Variants in TNXB observed in about 807,000 individuals in gnomAD.
TNXB encodes tenascin-X.
In TNXB, 183 loss-of-function variants were observed where a neutral mutation model predicts 340.5. The ratio of observed to expected loss-of-function variants is 0.54; its 90% CI spans 0.48 to 0.61. TNXB has a LOEUF of 0.61. Ranked by LOEUF, TNXB falls within the 20% of genes least tolerant of loss-of-function variation. The probability of loss-of-function intolerance (pLI) is 0.00; values close to 1 mark genes in which losing one functional copy is unlikely to be tolerated. For synonymous variants in TNXB, 2,121 were observed against 2,314.5 expected (o/e 0.92, Z 2.40); for missense variants, 4,613 against 5,446.4 (o/e 0.85, Z 4.82).
chr6:32,068,766 T>A lies in TNXB; in HGVS notation c.5902+56A>T. ...GGGCAGGGTATCCGCGGGACTCTGC[T>A]GTCCTCTGGACTCTCCCAGCCATCT... On this transcript the variant is annotated intron_variant, in intron 16 of 43. Transcript: ENST00000644971. The surrounding 1 kb of genome is among the most constrained non-coding windows in gnomAD (Gnocchi z 5.3). 1 of 1,594,864 alleles carries A rather than the reference T, an allele frequency of 6.3e-7. No homozygotes were observed. Among genetic ancestry groups the A allele is most frequent in the Non-Finnish European group, 8.6e-7 (1 of 1,168,656 alleles).
In TNXB at chr6:32,088,886, G is replaced by T; in HGVS notation, c.2678C>A (p.Thr893Lys). Residue 893 changes from threonine (T) to lysine (K), a missense_variant, in exon 6 of 44, where the codon ACG becomes AAG. By Grantham distance (78) the Thr-to-Lys change is moderately conservative. Transcript: ENST00000644971. ...GCCTGGCATCAGGTCAGTCAGCAGC[G>T]TCCCGTCTGCTTCAGGGGGCACTTC... is the stretch of plus-strand genomic sequence containing the variant. ...RLEVPPEADG[T>K]LLTDLMPGVE... The T allele has an allele frequency of 6.3e-7, 1 of 1,589,304 alleles. No homozygotes were observed. Among genetic ancestry groups the T allele is most frequent in the Non-Finnish European group, 8.6e-7 (1 of 1,168,026 alleles).
rs369105246 is a variant in TNXB, at chr6:32,079,379, T to A, written c.4043-14A>T. 2 of 1,587,952 alleles carry A rather than the reference T, an allele frequency of 1.3e-6. No individual in the cohort carries two copies. On this transcript the variant is annotated splice_polypyrimidine_tract_variant and intron_variant, in intron 10 of 43. Coordinates refer to ENST00000644971, the MANE Select transcript of TNXB (RefSeq NM_001365276.2). The surrounding 1 kb of genome is among the most constrained non-coding windows in gnomAD (Gnocchi z 7.1). ...CCTCCTGAGGAGCTGAGAGAAGAGATAGAGGCATAAAGGGCTGCTGGCTTT... is the reference window on the plus strand; with the variant it reads ...CCTCCTGAGGAGCTGAGAGAAGAGAAAGAGGCATAAAGGGCTGCTGGCTTT...
At chr6:32,056,218 T>A (rs1170003484) in intron 23 of TNXB, 44 bp from the exon 24 acceptor site, 1 of 1,584,676 alleles carries the variant, frequency 6.3e-7, no homozygotes, top group Admixed American at 1.7e-5. Flanking sequence ...GCCTGGGGGA[T>A]GTGCTCAGGT....
chr6:32,081,268 T>C lies in TNXB; in HGVS notation c.4042+100A>G. On this transcript the variant is annotated intron_variant, in intron 10 of 43. Transcript: ENST00000644971. The surrounding 1 kb of genome is among the most constrained non-coding windows in gnomAD (Gnocchi z 5.1). ...GGGTGGAGGCTTTGGCAAAATGAGC[T>C]GAGAAGGCGAAGATGGAGGGAGGCT... 1 of 1,247,048 alleles carries C rather than the reference T, an allele frequency of 8.0e-7. No homozygotes were observed. Among genetic ancestry groups the C allele is most frequent in the Non-Finnish European group, 1.1e-6 (1 of 907,352 alleles). 77.2% of individuals were successfully genotyped at this position (1,247,048 alleles called of 1,614,324 possible).
At chr6:32,086,187 C>T in intron 6 of TNXB, 69 bp from the exon 7 acceptor site, 2 of 1,424,828 alleles carry the variant, frequency 1.4e-6, no homozygotes, top group Non-Finnish European at 1.8e-6. Flanking sequence ...CCCCAGTCCC[C>T]AGGTTCTGCC....
Position 32,050,013 on chromosome 6 carries a change from C to A in TNXB, c.9424G>T (p.Ala3142Ser). The A allele has an allele frequency of 6.2e-7, 1 of 1,613,806 alleles. No individual in the cohort carries two copies. Among genetic ancestry groups the A allele is most frequent in the Non-Finnish European group, 8.5e-7 (1 of 1,179,832 alleles). Reference protein sequence around the residue: ...HGGQRVGPVSAIGVTEEETPS... With the variant: ...HGGQRVGPVSSIGVTEEETPS... Reference sequence around the variant, plus strand: ...ATTCACTCACCCGTCACCCCAATGGCAGACACAGGGCCTACGCGCTGGCCA... The same window carrying A: ...ATTCACTCACCCGTCACCCCAATGGAAGACACAGGGCCTACGCGCTGGCCA... The change falls in exon 27 of 44, where the codon GCC becomes TCC. Residue 3142 changes from alanine (A) to serine (S), a missense_variant. Transcript: ENST00000644971.
chr6:32,104,640 T>C lies in TNXB; in HGVS notation c.-9+4541A>G, dbSNP rs1002993576. Among the ~76,000 whole-genome samples the C allele has an allele frequency of 3.3e-5, 5 of 152,232 alleles. 1 individual carries two copies. The highest frequency in any genetic ancestry group is 2.0e-4 in the Admixed American group (3 of 15,290). On this transcript the variant is annotated intron_variant, in intron 1 of 43. Transcript: ENST00000644971. ...GCAATTGCCTCCTGGCTGCTTTTTT[T>C]TTCTTTTTTTTTGAGACAGGGTCTC...
Position 32,097,700 on chromosome 6 carries a change from G to A in TNXB, c.403+96C>T. The A allele has an allele frequency of 7.4e-7, 1 of 1,358,048 alleles. No individual in the cohort carries two copies. The highest frequency in any genetic ancestry group is 9.8e-7 in the Non-Finnish European group (1 of 1,019,830). 84.1% of individuals were successfully genotyped at this position (1,358,048 alleles called of 1,614,324 possible). On this transcript the variant is annotated intron_variant, in intron 2 of 43. Coordinates refer to ENST00000644971, the MANE Select transcript of TNXB (RefSeq NM_001365276.2). The surrounding 1 kb of genome is among the most constrained non-coding windows in gnomAD (Gnocchi z 5.9). ...CATCCACACCCCTCATGGTGAGGAA[G>A]GAGTGCCTTCTTCTAATTCATACCA...
Position 32,069,561 on chromosome 6 carries a change from G to T in TNXB, c.5579C>A (p.Ala1860Asp), listed in dbSNP as rs1778622078. The T allele has an allele frequency of 6.4e-7, 1 of 1,568,072 alleles. No homozygotes were observed. The highest frequency in any genetic ancestry group is 1.8e-5 in the Admixed American group (1 of 56,736). ...GKRVGPISAV[A>D]ITAGREETET... ...AGCTGCCGCACACTCACCAGTAATG[G>T]CGACGGCCGAGATGGGGCCCACACG... is the stretch of plus-strand genomic sequence containing the variant. The change falls in exon 15 of 44, where the codon GCC becomes GAC. Residue 1860 changes from alanine to aspartate, a missense_variant. Physicochemically the swap from Ala to Asp is moderately radical, Grantham distance 126. Transcript: ENST00000644971. This position sits in a 1 kb window ranked among gnomAD's most constrained non-coding sequence, Gnocchi z 6.2.
Position 32,081,887 on chromosome 6 carries a change from G to C in TNXB, c.3736+149C>G. 1 of 795,852 alleles carries C rather than the reference G, an allele frequency of 1.3e-6. No individual in the cohort carries two copies. The highest frequency in any genetic ancestry group is 2.0e-6 in the Non-Finnish European group (1 of 503,520). The allele number at this position is 795,852 out of a possible 1,614,324, so 49.3% of individuals were successfully genotyped here. ...GGATGGAAGGGGCCCAGCAGTGCGGGGGAGTCTGGCTGCCCCTCAGCCCTG... is the reference window on the plus strand; with the variant it reads ...GGATGGAAGGGGCCCAGCAGTGCGGCGGAGTCTGGCTGCCCCTCAGCCCTG... On this transcript the variant is annotated intron_variant, in intron 9 of 43. Coordinates refer to ENST00000644971, the MANE Select transcript of TNXB (RefSeq NM_001365276.2). The surrounding 1 kb of genome is among the most constrained non-coding windows in gnomAD (Gnocchi z 5.1).
chr6:32,086,688 A>G (rs1163246231), intron 6 of TNXB, among the ~76,000 whole-genome samples: 1 of 152,188 alleles, frequency 6.6e-6, no homozygotes, highest in East Asian at 1.9e-4. Context: ...AGACCAGCAT[A>G]AAGTGAGCCA....
In TNXB at chr6:32,053,261, G is replaced by A. The variant is rs1777406075; in HGVS notation, c.8791+127C>T. ...AAGATCTGTCAGTCCTCAGGGAAGT[G>A]GGGAAAGACAAAAAAGTACCATGGC... On this transcript the variant is annotated intron_variant, in intron 25 of 43. Transcript: ENST00000644971. The A allele has an allele frequency of 5.6e-6, 8 of 1,425,390 alleles. No individual in the cohort carries two copies. The South Asian group carries it at 6.9e-5, about 12-fold the overall frequency. The allele number at this position is 1,425,390 out of a possible 1,614,324, so 88.3% of individuals were successfully genotyped here. A position where few individuals can be genotyped will look rare whatever the true frequency, so the allele number is the denominator to read the frequency against.
rs1371704902 is a variant in TNXB at position 32,042,221 on chromosome 6, C to A, written c.12307+45G>T. 13 of 855,646 alleles carry A rather than the reference C, an allele frequency of 1.5e-5. 1 individual carries two copies. The Admixed American group carries it at 2.4e-4, about 16-fold the overall frequency. 53.0% of individuals were successfully genotyped at this position (855,646 alleles called of 1,614,324 possible). ...CATCAGGGTCCTGGTGTCCACAGGG[C>A]CCCCATCCCCATCCGTAGTTCCCCA... On this transcript the variant is annotated intron_variant, in intron 41 of 43. Transcript: ENST00000644971.
In TNXB at chr6:32,048,351, G is replaced by A; in HGVS notation, c.10045+12C>T. On this transcript the variant is annotated intron_variant, in intron 29 of 43. Coordinates refer to ENST00000644971, the MANE Select transcript of TNXB (RefSeq NM_001365276.2). ...AGGCTCTGGCCGCGGGAGGCCTCCA[G>A]CCCTCACTCACCGGTCCTGGCCTCC... 6.8e-7 allele frequency: 1 copy of A among 1,478,204 alleles called. No individual in the cohort carries two copies. The highest frequency in any genetic ancestry group is 9.0e-7 in the Non-Finnish European group (1 of 1,112,568). The allele number at this position is 1,478,204 out of a possible 1,614,324, so 91.6% of individuals were successfully genotyped here. A position where few individuals can be genotyped will look rare whatever the true frequency, so the allele number is the denominator to read the frequency against.
intron 23 of TNXB, 110 bp from the exon 24 acceptor site, chr6:32,056,284 A>G (rs1777637398): frequency 9.6e-6 from 13 of 1,354,096 alleles, no homozygotes; most frequent in Non-Finnish European, 1.1e-5. Context: ...AGGTCATTTC[A>G]GAAAAGCCCA....
chr6:32,067,734 G>A lies in TNXB; in HGVS notation c.6471C>T (p.Arg2157=). ...EVTVGGLEPG[R]KYKMHLYGLH... ...GGCCGTACAGGTGCATCTTGTACTT[G>A]CGCCCAGGCTCCAGGCCCCCCACGG... Residue 2157 remains arginine, a synonymous_variant, in exon 18 of 44, where the codon CGC becomes CGT. Coordinates refer to ENST00000644971, the MANE Select transcript of TNXB (RefSeq NM_001365276.2). The surrounding 1 kb of genome is among the most constrained non-coding windows in gnomAD (Gnocchi z 4.2). 1 of 1,613,716 alleles carries A rather than the reference G, an allele frequency of 6.2e-7. No homozygotes were observed.
At position 32,070,579 on chromosome 6, in the gene TNXB, C is replaced by A. The variant is rs547971577; in HGVS notation, c.4991-165G>T. Among the ~76,000 whole-genome samples, 1 of 152,306 alleles carries A rather than the reference C, an allele frequency of 6.6e-6. No individual in the cohort carries two copies. The highest frequency in any genetic ancestry group is 1.9e-4 in the East Asian group (1 of 5,170). On this transcript the variant is annotated intron_variant, in intron 13 of 43. Transcript: ENST00000644971. This position sits in a 1 kb window ranked among gnomAD's most constrained non-coding sequence, Gnocchi z 6.0. ...ATCTCCGTCTGGTCCATGCCTCTCT[C>A]CCCTTGACCCAAGTGGGGAGGGTCA...
At chr6:32,056,515 C>A in intron 23 of TNXB, 71 bp downstream of exon 23, 3 of 1,568,802 alleles carry the variant, frequency 1.9e-6, no homozygotes, top group Non-Finnish European at 2.6e-6. Context: ...CATTCCCCAC[C>A]AGTCATCACC....
rs772411052 is a variant in TNXB at position 32,056,716 on chromosome 6, C to T, written c.8013G>A (p.Ala2671=). The part of the protein sequence containing the change: ...QYRNGDGQPK[A]VRVPGHEDGV... ...CGTCCTCGTGCCCCGGCACCCGCAC[C>T]GCCTTGGGCTGCCCATCCCCATTCC... The change falls in exon 23 of 44, where the codon GCG becomes GCA. Residue 2671 remains alanine, a synonymous_variant. Transcript: ENST00000644971. 3.4e-5 allele frequency: 55 copies of T among 1,613,108 alleles called. No homozygotes were observed. Among genetic ancestry groups the T allele is most frequent in the East Asian group, 2.2e-4 (10 of 44,896 alleles).
Sources: gnomAD v4.1 joint callset for allele counts (sites outside exome capture counted in the v4.1 genomes callset) on GRCh38, gnomAD v4.1.1 for gene constraint, Gnocchi (gnomAD v3.1) non-coding constraint, MANE v1.5 for transcripts, NCBI Gene and HGNC (gene_info 2026-07-23, HGNC 2026-07-21) for gene names.